The following ZMYM4 variants were observed in gnomAD, a reference collection of about 807,000 sequenced individuals.
ZMYM4 encodes zinc finger MYM-type protein 4.
A neutral mutation model predicts 183.2 loss-of-function variants in ZMYM4; 31 were observed. The observed-to-expected ratio is 0.17, with a 90% CI of 0.13 to 0.23. The LOEUF is 0.23. Among genes scored for constraint, ZMYM4 ranks in the 10% least tolerant of loss-of-function variants. The pLI, the probability that ZMYM4 is intolerant of heterozygous loss-of-function variation, is 1.00. For synonymous variants in ZMYM4, 592 were observed against 631.2 expected (o/e 0.94, Z 0.93); for missense variants, 1,273 against 1,840.3 (o/e 0.69, Z 5.64).
chr1:35,335,550 T>C (rs540911996), intron 2 of ZMYM4, among the ~76,000 whole-genome samples: 1 of 152,302 alleles, frequency 6.6e-6, no homozygotes, highest in South Asian at 2.1e-4. Flanking sequence ...TCATTGCGTA[T>C]TTCTGAGATT....
Position 35,352,263 on chromosome 1 carries a change from GCGCGCGCACACA to G in ZMYM4, c.86-6660_86-6649del, listed in dbSNP as rs1212890017. 2.3e-4 allele frequency among the ~76,000 whole-genome samples: 16 copies of G among 69,442 alleles called. No individual in the cohort carries two copies. The East Asian group carries it at 9.1e-3, about 40-fold the overall frequency. The allele number at this position is 69,442 out of a possible 152,430, so 45.6% of individuals were successfully genotyped here. A position where few individuals can be genotyped will look rare whatever the true frequency, so the allele number is the denominator to read the frequency against. ...ATAATTTAAAAATTAGCGCGCACGC[GCGCGCGCACACA>G]CACACACACACACACACACACACAC... On this transcript the variant is annotated intron_variant, in intron 2 of 29. Coordinates refer to ENST00000314607, the MANE Select transcript of ZMYM4 (RefSeq NM_005095.3).
Position 35,268,734 on chromosome 1 carries a change from G to T in ZMYM4, c.-313G>T, listed in dbSNP as rs573198756. On this transcript the variant is annotated 5_prime_UTR_variant, in exon 1 of 30. Transcript: ENST00000314607. ...GATTTGGTGATCCCTTTAAGAAACC[G>T]CAGGCGGAGGAATTTCTCTGAGAGA... is the stretch of plus-strand genomic sequence containing the variant. Among the ~76,000 whole-genome samples the T allele has an allele frequency of 2.0e-5, 3 of 152,358 alleles. No homozygotes were observed. The highest frequency in any genetic ancestry group is 4.1e-4 in the South Asian group (2 of 4,834).
At chr1:35,308,499 C>T (rs1641649113) in intron 1 of ZMYM4, among the ~76,000 whole-genome samples, 4 of 152,128 alleles carry the variant, frequency 2.6e-5, no homozygotes, top group Admixed American at 2.0e-4. Context: ...GAACCCTAGT[C>T]GCCTGAACTA....
At chr1:35,289,426 C>A (rs1001029531) in intron 1 of ZMYM4, among the ~76,000 whole-genome samples, 3 of 152,108 alleles carry the variant, frequency 2.0e-5, no homozygotes, top group Non-Finnish European at 4.4e-5. Context: ...CCACTAACCC[C>A]TAGGTAGCAG....
intron 15 of ZMYM4, among the ~76,000 whole-genome samples, chr1:35,391,413 T>A (rs993717347): frequency 8.5e-5 from 13 of 152,200 alleles, no homozygotes; most frequent in Non-Finnish European, 1.9e-4. Flanking sequence ...ACACACTATG[T>A]GCTAGGCCAC....
chr1:35,353,072 C>A (rs766332511), intron 2 of ZMYM4, among the ~76,000 whole-genome samples: 1 of 152,178 alleles, frequency 6.6e-6, no homozygotes, highest in Non-Finnish European at 1.5e-5. Context: ...CTTAGTGTTC[C>A]TATCTCAGGA....
At chr1:35,405,679 T>C (rs1644989512) in intron 25 of ZMYM4, among the ~76,000 whole-genome samples, 1 of 152,214 alleles carries the variant, frequency 6.6e-6, no homozygotes, top group Non-Finnish European at 1.5e-5. Flanking sequence ...GAATTTTGTT[T>C]TATTTTTGAC....
At chr1:35,336,963 G>A (rs958653983) in intron 2 of ZMYM4, among the ~76,000 whole-genome samples, 2 of 152,064 alleles carry the variant, frequency 1.3e-5, no homozygotes, top group African/African-American at 2.4e-5. Flanking sequence ...TGTGCTCTTC[G>A]TGCTCTTGCC....
At chr1:35,273,516 A>G (rs1639719796) in intron 1 of ZMYM4, among the ~76,000 whole-genome samples, 1 of 152,214 alleles carries the variant, frequency 6.6e-6, no homozygotes, top group South Asian at 2.1e-4. Context: ...TACATACAAA[A>G]TAATAACTTT....
chr1:35,370,670 C>A lies in ZMYM4; in HGVS notation c.1181+43C>A, dbSNP rs1644184932. ...ATTATCTTTTTTGTTTCTTTCCTTT[C>A]TCTTAACATACTTTGTTCTTAGGTC... On this transcript the variant is annotated intron_variant, in intron 7 of 29. Transcript: ENST00000314607. The A allele has an allele frequency of 2.7e-6, 4 of 1,487,072 alleles. No homozygotes were observed. In the East Asian group the frequency reaches 9.7e-5, roughly 36 times the overall value. The allele number at this position is 1,487,072 out of a possible 1,614,324, so 92.1% of individuals were successfully genotyped here. A position where few individuals can be genotyped will look rare whatever the true frequency, so the allele number is the denominator to read the frequency against.
At position 35,323,190 on chromosome 1, in the gene ZMYM4, T is replaced by G. The variant is rs528735458; in HGVS notation, c.40-2170T>G. Among the ~76,000 whole-genome samples, 5 of 151,972 alleles carry G rather than the reference T, an allele frequency of 3.3e-5. No individual in the cohort carries two copies. In the South Asian group the frequency reaches 1.0e-3, roughly 32 times the overall value. On this transcript the variant is annotated intron_variant, in intron 1 of 29. Transcript: ENST00000314607. ...CTAATTTTTGTATTTTCAGTAGGGA[T>G]GGGTTTTTGCCATGTTGGCCAGGCT...
chr1:35,322,984 C>G (rs1022491761), intron 1 of ZMYM4, among the ~76,000 whole-genome samples: 2 of 150,934 alleles, frequency 1.3e-5, no homozygotes, highest in Non-Finnish European at 2.9e-5. Context: ...GTCACCACGC[C>G]TGGCTTTTTT....
chr1:35,386,003 T>G (rs1570494731), intron 10 of ZMYM4, 71 bp from the exon 11 acceptor site: 3 of 1,122,264 alleles, frequency 2.7e-6, no homozygotes, highest in Middle Eastern at 2.7e-4. Flanking sequence ...TTGTATAGTA[T>G]TATTTAATTT....
chr1:35,337,926 G>A (rs1046553443), intron 2 of ZMYM4, among the ~76,000 whole-genome samples: 2 of 152,098 alleles, frequency 1.3e-5, no homozygotes, highest in Non-Finnish European at 2.9e-5. Flanking sequence ...GTGACAGAGC[G>A]AGACTCCATC....
intron 5 of ZMYM4, among the ~76,000 whole-genome samples, chr1:35,365,270 C>A (rs1644045742): frequency 3.0e-5 from 4 of 134,294 alleles, no homozygotes; most frequent in South Asian, 2.5e-4. Context: ...TTTTAGTCTA[C>A]CAATCTTTCT....
At chr1:35,376,001 A>G (rs1397474129) in intron 7 of ZMYM4, among the ~76,000 whole-genome samples, 2 of 152,084 alleles carry the variant, frequency 1.3e-5, no homozygotes, top group Non-Finnish European at 2.9e-5. Flanking sequence ...TCTTGAGTCC[A>G]GGAGTTTGAG....
chr1:35,403,547 A>T (rs1052026305), intron 23 of ZMYM4, among the ~76,000 whole-genome samples: 1 of 152,044 alleles, frequency 6.6e-6, no homozygotes, highest in African/African-American at 2.4e-5. Flanking sequence ...CGCCCTCCCA[A>T]AGTGCTGGGA....
chr1:35,321,505 G>A (rs1557996796), intron 1 of ZMYM4, among the ~76,000 whole-genome samples: 1 of 152,108 alleles, frequency 6.6e-6, no homozygotes, highest in Admixed American at 6.6e-5. Context: ...AAAAGATAAA[G>A]CTGTAGAGGA....
chr1:35,359,479 C>G (rs1455371804), intron 3 of ZMYM4, 33 bp downstream of exon 3: 13 of 1,504,798 alleles, frequency 8.6e-6, no homozygotes, highest in Middle Eastern at 1.8e-4. Flanking sequence ...CCATAAAACA[C>G]AATTAAAAAT....
Sources: gnomAD v4.1 joint callset for allele counts (sites outside exome capture counted in the v4.1 genomes callset) on GRCh38, gnomAD v4.1.1 for gene constraint, MANE v1.5 for transcripts, NCBI Gene and HGNC (gene_info 2026-07-23, HGNC 2026-07-21) for gene names.